CADPS: variants seen among roughly 807,000 people sequenced by gnomAD.
The protein encoded by CADPS is calcium dependent secretion activator, also known as calcium-dependent secretion activator 1.
CADPS carries 57 observed loss-of-function variants against 167.3 expected under a neutral mutation model. That is an observed-to-expected ratio of 0.34 (90% CI 0.28 to 0.42). CADPS has a LOEUF of 0.42. CADPS is among the 20% of genes least tolerant of loss of function. The probability of loss-of-function intolerance (pLI) is 1.00; values close to 1 mark genes in which losing one functional copy is unlikely to be tolerated. For missense variants in CADPS, 1,414 were observed against 1,738.1 expected (o/e 0.81, Z 3.32); for synonymous variants, 676 against 635.3 (o/e 1.06, Z -0.96).
chr3:62,603,461 T>C (rs916755101), intron 6 of CADPS, among the ~76,000 whole-genome samples: 6 of 152,196 alleles, frequency 3.9e-5, no homozygotes, highest in Admixed American at 2.0e-4. Context: ...TAAATGCCTA[T>C]CGAATCAAGG....
chr3:62,629,031 C>T (rs943211694), intron 6 of CADPS, among the ~76,000 whole-genome samples: 1 of 152,098 alleles, frequency 6.6e-6, no homozygotes, highest in Non-Finnish European at 1.5e-5. Flanking sequence ...ATAGGCCCCC[C>T]ACTTCTCTCC....
At chr3:62,492,481 A>G in intron 19 of CADPS, 35 bp from the exon 20 acceptor site, 3 of 1,599,174 alleles carry the variant, frequency 1.9e-6, no homozygotes, top group South Asian at 1.1e-5. Context: ...TAGACAAAGA[A>G]GTGATGAGCT....
At chr3:62,846,546 C>G (rs549779633) in intron 1 of CADPS, among the ~76,000 whole-genome samples, 1 of 152,176 alleles carries the variant, frequency 6.6e-6, no homozygotes, top group Non-Finnish European at 1.5e-5. Context: ...TGAGGAAATA[C>G]ATGATAAACG....
At chr3:62,673,590 T>C (rs1422953518) in intron 3 of CADPS, among the ~76,000 whole-genome samples, 1 of 152,232 alleles carries the variant, frequency 6.6e-6, no homozygotes, top group African/African-American at 2.4e-5. Flanking sequence ...GATAAATACA[T>C]AACTTGATAA....
intron 1 of CADPS, among the ~76,000 whole-genome samples, chr3:62,844,762 G>A (rs141497488): frequency 1.6e-4 from 24 of 152,296 alleles, no homozygotes; most frequent in African/African-American, 5.8e-4. Context: ...AGAGAAAGCA[G>A]TCACTACTTT....
intron 27 of CADPS, among the ~76,000 whole-genome samples, chr3:62,443,744 C>G (rs781768204): frequency 4.6e-5 from 7 of 152,124 alleles, no homozygotes; most frequent in Non-Finnish European, 8.8e-5. Flanking sequence ...CCCAGGCATG[C>G]CGAACTGTGA....
At chr3:62,466,246 G>A in intron 25 of CADPS, 93 bp downstream of exon 25, 1 of 824,136 alleles carries the variant, frequency 1.2e-6, no homozygotes, top group Non-Finnish European at 2.0e-6. Context: ...CAAGTATCCA[G>A]CTCAACTTTT....
At position 62,732,350 on chromosome 3, in the gene CADPS, C is replaced by T. The variant is rs540065630; in HGVS notation, c.888+21091G>A. On this transcript the variant is annotated intron_variant, in intron 3 of 29. Coordinates refer to ENST00000383710, the MANE Select transcript of CADPS (RefSeq NM_003716.4). ...GTGTCACATGGCAAGGAAGTGAAGA[C>T]CTCAGTCCAACAGCCCACAAGGAAC... Among the ~76,000 whole-genome samples, 7 of 152,276 alleles carry T rather than the reference C, an allele frequency of 4.6e-5. No homozygotes were observed. In the East Asian group the frequency reaches 1.4e-3, roughly 29 times the overall value.
chr3:62,476,159 C>T (rs1560921012), intron 23 of CADPS, among the ~76,000 whole-genome samples: 1 of 152,162 alleles, frequency 6.6e-6, no homozygotes, highest in African/African-American at 2.4e-5. Flanking sequence ...ATTTCTGGAG[C>T]ACTGAAACAT....
intron 17 of CADPS, chr3:62,500,479 A>G (rs2065570641): frequency 6.6e-6 from 1 of 152,198 alleles, no homozygotes; most frequent in South Asian, 2.1e-4. Context: ...TTTCTTGGCC[A>G]GTGAAACTGC....
intron 6 of CADPS, among the ~76,000 whole-genome samples, chr3:62,643,587 T>G (rs576711967): frequency 7.7e-4 from 117 of 152,364 alleles, no homozygotes; most frequent in African/African-American, 2.7e-3. Context: ...AAATTCTGTT[T>G]TAACCATTTA....
chr3:62,487,342 T>G (rs1018894650), intron 21 of CADPS, among the ~76,000 whole-genome samples: 5 of 152,250 alleles, frequency 3.3e-5, no homozygotes, highest in African/African-American at 1.2e-4. Flanking sequence ...GAAGAGCTGA[T>G]GGAAATGTTG....
Position 62,585,284 on chromosome 3 carries a change from T to G in CADPS, c.1478A>C (p.Glu493Ala). Residue 493 changes from glutamate (E) to alanine (A), a missense_variant, in exon 8 of 30, where the codon GAG (glutamate) becomes GCG (alanine). Coordinates refer to ENST00000383710, the MANE Select transcript of CADPS (RefSeq NM_003716.4). ...TTTGGAGACTGTCATTTTGTGCCAC[T>G]CTGACTGTTTGGGGCTGTTCGGGGT... ...HPTPNSPKQS[E>A]WHKMTVSKNC... 2 of 1,613,862 alleles carry G rather than the reference T, an allele frequency of 1.2e-6. No individual in the cohort carries two copies. The highest frequency in any genetic ancestry group is 8.5e-7 in the Non-Finnish European group (1 of 1,179,834).
At chr3:62,858,651 A>C (rs11716617) in intron 1 of CADPS, among the ~76,000 whole-genome samples, 28,917 of 152,194 alleles carry the variant, frequency 0.19, 3,205 homozygotes, top group Middle Eastern at 0.35. Flanking sequence ...TAAAATGTAC[A>C]ATCAAAAGCT....
At chr3:62,665,724 T>G (rs1424271530) in intron 3 of CADPS, among the ~76,000 whole-genome samples, 1 of 152,144 alleles carries the variant, frequency 6.6e-6, no homozygotes, top group Non-Finnish European at 1.5e-5. Flanking sequence ...GATTCCTCCC[T>G]AAGAAATAAT....
At chr3:62,654,655 G>T (rs2071074458) in intron 4 of CADPS, among the ~76,000 whole-genome samples, 1 of 152,136 alleles carries the variant, frequency 6.6e-6, no homozygotes, top group Non-Finnish European at 1.5e-5. Context: ...CCCCATTAAA[G>T]GCTGTCACGG....
Position 62,499,256 on chromosome 3 carries a change from C to T in CADPS, c.2612G>A (p.Arg871Gln), listed in dbSNP as rs376024808. The T allele has an allele frequency of 2.9e-5, 46 of 1,611,202 alleles. No homozygotes were observed. Among genetic ancestry groups the T allele is most frequent in the Non-Finnish European group, 3.4e-5 (40 of 1,177,614 alleles). ...AAGCTTTTTGGCAGGAGTGATTAAC[C>T]GGCCTACATTTTCTGTAGTACAAGA... ...ENQKDAENVG[R>Q]LITPAKKLED... The change falls in exon 18 of 30, where the codon CGG becomes CAG. Residue 871 changes from arginine (R) to glutamine (Q), a missense_variant. Physicochemically the swap from Arg to Gln is conservative, Grantham distance 43 (BLOSUM62 1). Around this residue, in one of 6 missense-constraint regions of CADPS, gnomAD observed 529 missense variants for 629.6 expected, o/e 0.84. Transcript: ENST00000383710.
In CADPS at chr3:62,649,832, A is replaced by G. The variant is rs181400731; in HGVS notation, c.1203+1015T>C. Among the ~76,000 whole-genome samples, 425 of 152,112 alleles carry G rather than the reference A, an allele frequency of 2.8e-3. 2 individuals are homozygous for G. The highest frequency in any genetic ancestry group is 9.2e-3 in the African/African-American group (382 of 41,504). ...CTCTCAAAGTCCTGGGATTATAGAC[A>G]TGAGCCGCCATGCCAAGCCTGGCTT... On this transcript the variant is annotated intron_variant, in intron 5 of 29. Transcript: ENST00000383710.
intron 6 of CADPS, among the ~76,000 whole-genome samples, chr3:62,637,139 A>G (rs2066459428): frequency 6.6e-6 from 1 of 152,124 alleles, no homozygotes; most frequent in Non-Finnish European, 1.5e-5. Flanking sequence ...TCAGCCCTTA[A>G]CATAGATCAG....
Sources: allele counts gnomAD v4.1 joint callset (sites outside exome capture counted in the v4.1 genomes callset), GRCh38; gene constraint gnomAD v4.1.1; regional missense constraint gnomAD v4.1.1; transcripts MANE v1.5; gene names NCBI Gene and HGNC (gene_info 2026-07-23, HGNC 2026-07-21).